Variants in JAM3 observed in about 807,000 individuals in gnomAD.
JAM3 encodes junctional adhesion molecule 3, also known as junctional adhesion molecule C.
In JAM3, 31 loss-of-function variants were observed where a neutral mutation model predicts 39.4. That is an observed-to-expected ratio of 0.79 (90% confidence interval 0.59 to 1.06). The LOEUF is 1.06. JAM3 is among the 50% of genes least tolerant of loss of function. The pLI, the probability that JAM3 is intolerant of heterozygous loss-of-function variation, is 0.00. For synonymous variants in JAM3, 182 were observed against 148.7 expected (o/e 1.22, Z -1.63); for missense variants, 455 against 391.4 (o/e 1.16, Z -1.37).
chr11:134,118,065 CAG>C (rs749810711), intron 1 of JAM3, among the ~76,000 whole-genome samples: 6 of 152,192 alleles, frequency 3.9e-5, no homozygotes, highest in Non-Finnish European at 8.8e-5. Context: ...TGGGCTCACA[CAG>C]AAAGTAGCTT....
chr11:134,109,620 A>C (rs1415594858), intron 1 of JAM3, among the ~76,000 whole-genome samples: 1 of 152,212 alleles, frequency 6.6e-6, no homozygotes, highest in Non-Finnish European at 1.5e-5. Flanking sequence ...TAAAACATGG[A>C]ATCACATAAA....
chr11:134,105,044 A>G (rs1179080714), intron 1 of JAM3, among the ~76,000 whole-genome samples: 1 of 152,000 alleles, frequency 6.6e-6, no homozygotes, highest in Non-Finnish European at 1.5e-5. Flanking sequence ...CCTGGCAGAG[A>G]CACAAAAAAA....
At chr11:134,138,761 T>C (rs1036930894) in intron 1 of JAM3, among the ~76,000 whole-genome samples, 4 of 152,256 alleles carry the variant, frequency 2.6e-5, no homozygotes, top group African/African-American at 9.6e-5. Flanking sequence ...AATTCAGGTA[T>C]ATTACACTTC....
intron 1 of JAM3, among the ~76,000 whole-genome samples, chr11:134,127,907 G>T (rs755230807): frequency 6.6e-6 from 1 of 152,044 alleles, no homozygotes; most frequent in Non-Finnish European, 1.5e-5. Context: ...CACTCTCTGG[G>T]CTCTTCTTAC....
chr11:134,143,216 G>A (rs939204561), intron 3 of JAM3, among the ~76,000 whole-genome samples: 3 of 152,152 alleles, frequency 2.0e-5, no homozygotes, highest in African/African-American at 7.2e-5. Context: ...CCTACCAGCA[G>A]TGTATTTTCC....
intron 1 of JAM3, among the ~76,000 whole-genome samples, chr11:134,097,932 C>A (rs1408414563): frequency 6.6e-6 from 1 of 151,840 alleles, no homozygotes; most frequent in Non-Finnish European, 1.5e-5. Flanking sequence ...GGACTCTGGC[C>A]CTTCAGTTCT....
chr11:134,098,766 A>C (rs1459455588), intron 1 of JAM3, among the ~76,000 whole-genome samples: 2 of 151,946 alleles, frequency 1.3e-5, no homozygotes, highest in Non-Finnish European at 2.9e-5. Context: ...TTGCAGGTGG[A>C]GCTCCACCTG....
chr11:134,100,176 A>G (rs1195688542), intron 1 of JAM3, among the ~76,000 whole-genome samples: 1 of 152,154 alleles, frequency 6.6e-6, no homozygotes, highest in Non-Finnish European at 1.5e-5. Flanking sequence ...CTTAAAAAAA[A>G]AATAGTGGTC....
intron 1 of JAM3, among the ~76,000 whole-genome samples, chr11:134,119,503 A>G (rs1183618413): frequency 1.3e-5 from 2 of 152,220 alleles, no homozygotes; most frequent in African/African-American, 4.8e-5. Flanking sequence ...ATTAGGAGAT[A>G]GAGAGATAGA....
intron 1 of JAM3, among the ~76,000 whole-genome samples, chr11:134,080,635 A>G (rs955723752): frequency 3.9e-5 from 6 of 152,166 alleles, no homozygotes; most frequent in African/African-American, 1.2e-4. Flanking sequence ...CTCCCCAACC[A>G]CGTGGAACTG....
chr11:134,078,836 C>T (rs1462606628), intron 1 of JAM3, among the ~76,000 whole-genome samples: 4 of 152,176 alleles, frequency 2.6e-5, no homozygotes, highest in Non-Finnish European at 4.4e-5. Context: ...GTCGGGAGTT[C>T]GAGACCAGCC....
intron 1 of JAM3, among the ~76,000 whole-genome samples, chr11:134,113,466 G>A (rs1455871134): frequency 6.6e-6 from 1 of 152,148 alleles, no homozygotes; most frequent in Non-Finnish European, 1.5e-5. Flanking sequence ...CCTTGTGATA[G>A]TTTGCTGAGA....
At chr11:134,132,332 A>G (rs1319248491) in intron 1 of JAM3, among the ~76,000 whole-genome samples, 1 of 152,214 alleles carries the variant, frequency 6.6e-6, no homozygotes, top group Non-Finnish European at 1.5e-5. Context: ...CAGCAAAACC[A>G]TCCTTCAACT....
intron 2 of JAM3, 50 bp from the exon 3 acceptor site, chr11:134,140,607 T>A: frequency 6.8e-7 from 1 of 1,480,958 alleles, no homozygotes; most frequent in Non-Finnish European, 9.4e-7. Context: ...CAGCTGAACG[T>A]AGAAGCACTC....
intron 1 of JAM3, among the ~76,000 whole-genome samples, chr11:134,082,110 T>G (rs930479259): frequency 1.3e-5 from 2 of 152,224 alleles, no homozygotes; most frequent in Non-Finnish European, 2.9e-5. Context: ...CTTGTTGGAT[T>G]TCGGACTTGC....
chr11:134,125,348 C>T lies in JAM3; in HGVS notation c.77-14503C>T, dbSNP rs932794928. 2.0e-5 allele frequency among the ~76,000 whole-genome samples: 3 copies of T among 152,176 alleles called. No individual in the cohort carries two copies. The East Asian group carries it at 5.8e-4, about 29-fold the overall frequency. On this transcript the variant is annotated intron_variant, in intron 1 of 8. Transcript: ENST00000299106. ...AGGTCGCTTCCCTTGCAGACTCATC[C>T]AAGATAGGGTTTTACTCAAACAATG...
chr11:134,118,099 G>A (rs1366462044), intron 1 of JAM3, among the ~76,000 whole-genome samples: 1 of 152,162 alleles, frequency 6.6e-6, no homozygotes, highest in Non-Finnish European at 1.5e-5. Context: ...CTTATGCTCA[G>A]GGCAAATATT....
In JAM3 at chr11:134,148,850, G is replaced by A. The variant is rs610829; in HGVS notation, c.897+32G>A. ...ATTTAGTAAACCTGGAAACCTAGGT[G>A]TACCCAGCAGGGAAAACAACATTCC... is the stretch of plus-strand genomic sequence containing the variant. On this transcript the variant is annotated intron_variant, in intron 8 of 8. Transcript: ENST00000299106. 0.09 allele frequency: 145,183 copies of A among 1,605,324 alleles called. 8,224 individuals carry two copies. The highest frequency in any genetic ancestry group is 0.21 in the East Asian group (9,397 of 44,798).
In JAM3 at chr11:134,149,285, A is replaced by C; in HGVS notation, c.*104A>C. The stretch of plus-strand genomic sequence containing the variant: ...CTGATGCACTCGGACAGAGCTAGAC[A>C]CTCATTCAGAAGCTTTTCGTTTTGG... On this transcript the variant is annotated 3_prime_UTR_variant, in exon 9 of 9. Coordinates refer to ENST00000299106, the MANE Select transcript of JAM3 (RefSeq NM_032801.5). 1 of 1,380,796 alleles carries C rather than the reference A, an allele frequency of 7.2e-7. No individual in the cohort carries two copies. Among genetic ancestry groups the C allele is most frequent in the Non-Finnish European group, 1.0e-6 (1 of 981,466 alleles). The allele number at this position is 1,380,796 out of a possible 1,614,324, so 85.5% of individuals were successfully genotyped here.
Sources: gnomAD v4.1 joint callset for allele counts (sites outside exome capture counted in the v4.1 genomes callset) on GRCh38, gnomAD v4.1.1 for gene constraint, MANE v1.5 for transcripts, NCBI Gene and HGNC (gene_info 2026-07-23, HGNC 2026-07-21) for gene names.